Variants in GSE1 observed in about 807,000 individuals in gnomAD.
GSE1 encodes genetic suppressor element 1.
In GSE1, 32 loss-of-function variants were observed where a neutral mutation model predicts 112.6. That is an observed-to-expected ratio of 0.28 (90% CI 0.21 to 0.38). The LOEUF is 0.38. Among genes scored for constraint, GSE1 ranks in the 10% least tolerant of loss-of-function variants. GSE1 has a pLI of 1.00. For missense variants in GSE1, 2,348 were observed against 1,699.2 expected (o/e 1.38, Z -6.71); for synonymous variants, 1,115 against 735.6 (o/e 1.52, Z -8.35).
chr16:85,489,551 G>A (rs956907184), intron 2 of GSE1, among the ~76,000 whole-genome samples: 1 of 149,386 alleles, frequency 6.7e-6, no homozygotes, highest in Non-Finnish European at 1.5e-5. Context: ...ACCCCGCAGC[G>A]CCTGCCCCAC....
At chr16:85,349,684 C>T (rs879872478) in intron 1 of GSE1, among the ~76,000 whole-genome samples, 1 of 152,160 alleles carries the variant, frequency 6.6e-6, no homozygotes, top group Non-Finnish European at 1.5e-5. Context: ...CTTGATTTTT[C>T]CTCGGGGCGA....
intron 1 of GSE1, among the ~76,000 whole-genome samples, chr16:85,624,782 G>A (rs765035876): frequency 1.4e-4 from 22 of 152,200 alleles, no homozygotes; most frequent in Non-Finnish European, 3.1e-4. Flanking sequence ...CTGCCTCCGG[G>A]AAGCAGCCCA....
At chr16:85,422,369 C>T (rs74387765) in intron 2 of GSE1, among the ~76,000 whole-genome samples, 5,152 of 78,564 alleles carry the variant, frequency 0.066, 152 homozygotes, top group African/African-American at 0.12. Context: ...CTGGGCGGGG[C>T]GGGGGGGGGT....
chr16:85,425,359 G>A (rs187236731), intron 2 of GSE1, among the ~76,000 whole-genome samples: 1 of 124,004 alleles, frequency 8.1e-6, no homozygotes, highest in East Asian at 2.4e-4. Flanking sequence ...CCAAGGGAAA[G>A]GGTGGAGTTG....
chr16:85,452,644 CT>C (rs2049718538), intron 2 of GSE1, among the ~76,000 whole-genome samples: 1 of 152,252 alleles, frequency 6.6e-6, no homozygotes, highest in Non-Finnish European at 1.5e-5. Flanking sequence ...CTGTTCCCAC[CT>C]GTGGGAGGCC....
intron 2 of GSE1, among the ~76,000 whole-genome samples, chr16:85,449,845 A>C (rs1019270852): frequency 6.6e-6 from 1 of 152,184 alleles, no homozygotes; most frequent in African/African-American, 2.4e-5. Context: ...TGATGATGAC[A>C]ACAATAATCA....
At chr16:85,430,829 C>T (rs1029842353) in intron 2 of GSE1, among the ~76,000 whole-genome samples, 1 of 152,226 alleles carries the variant, frequency 6.6e-6, no homozygotes, top group Admixed American at 6.5e-5. Context: ...GCAGCAGAAT[C>T]CCCTGAAGGC....
intron 2 of GSE1, among the ~76,000 whole-genome samples, chr16:85,368,364 C>T (rs559023274): frequency 4.5e-4 from 68 of 152,176 alleles, no homozygotes; most frequent in African/African-American, 1.4e-3. Context: ...GCTCTCCTGC[C>T]GCCTGTTTCA....
Position 85,426,162 on chromosome 16 carries a change from G to T in GSE1, c.2464+68519G>T, listed in dbSNP as rs193243752. Among the ~76,000 whole-genome samples, 18 of 150,220 alleles carry T rather than the reference G, an allele frequency of 1.2e-4. No individual in the cohort carries two copies. The East Asian group carries it at 3.6e-3, about 30-fold the overall frequency. ...GTATGGATGGATGAATGGATGGGTG[G>T]GTGGGGTGGATGGATGTATAGTGGA... On this transcript the variant is annotated intron_variant, in intron 2 of 2. Transcript: ENST00000637419.
chr16:85,332,872 A>T (rs1487669857), intron 1 of GSE1, among the ~76,000 whole-genome samples: 1 of 151,734 alleles, frequency 6.6e-6, no homozygotes, highest in African/African-American at 2.4e-5. Flanking sequence ...CTGGCCACCC[A>T]GGGAGGATGC....
intron 1 of GSE1, among the ~76,000 whole-genome samples, chr16:85,589,294 G>A (rs924763388): frequency 6.6e-6 from 1 of 152,198 alleles, no homozygotes; most frequent in Non-Finnish European, 1.5e-5. Flanking sequence ...CTTCTAGGTC[G>A]GGCAGGGCCC....
chr16:85,316,105 A>G (rs1018490868), intron 1 of GSE1, among the ~76,000 whole-genome samples: 4 of 152,248 alleles, frequency 2.6e-5, no homozygotes, highest in Non-Finnish European at 4.4e-5. Flanking sequence ...GGCGAAGTGA[A>G]TTTACCAGAA....
At chr16:85,251,308 A>C (rs951602354) in intron 1 of GSE1, among the ~76,000 whole-genome samples, 10 of 152,230 alleles carry the variant, frequency 6.6e-5, no homozygotes, top group African/African-American at 2.4e-4. Context: ...CCTATGGGGA[A>C]GGACTCATGT....
intron 1 of GSE1, among the ~76,000 whole-genome samples, chr16:85,194,964 C>A (rs1276588503): frequency 2.0e-5 from 3 of 151,968 alleles, no homozygotes; most frequent in Non-Finnish European, 4.4e-5. Flanking sequence ...GGTCGTGAGG[C>A]CAGTAGCTTT....
At chr16:85,317,069 C>T (rs564689874) in intron 1 of GSE1, among the ~76,000 whole-genome samples, 70 of 152,320 alleles carry the variant, frequency 4.6e-4, no homozygotes, top group African/African-American at 1.6e-3. Context: ...AAAGTCTCTG[C>T]TCCATCTTGC....
chr16:85,639,264 G>GTA (rs2050248993), intron 2 of GSE1, among the ~76,000 whole-genome samples: 1 of 152,220 alleles, frequency 6.6e-6, no homozygotes, highest in East Asian at 1.9e-4. Flanking sequence ...TCCTCGGGTG[G>GTA]CACCGGGTCC....
chr16:85,433,830 A>G (rs2049179500), intron 2 of GSE1, among the ~76,000 whole-genome samples: 1 of 151,558 alleles, frequency 6.6e-6, no homozygotes, highest in African/African-American at 2.4e-5. Flanking sequence ...GGATGAATGG[A>G]TGGTGGATAG....
chr16:85,591,237 C>T (rs1024107748), intron 1 of GSE1, among the ~76,000 whole-genome samples: 11 of 152,172 alleles, frequency 7.2e-5, no homozygotes, highest in African/African-American at 2.2e-4. Context: ...GGGCCTCTGT[C>T]GGGCCCTCCT....
chr16:85,597,373 CAAAAAAAAAAAAAAA>C (rs1165062872), intron 1 of GSE1, among the ~76,000 whole-genome samples: 2 of 31,850 alleles, frequency 6.3e-5, no homozygotes, highest in African/African-American at 2.1e-4. Context: ...GACTCTGTCT[CAAAAAAAAAAAAAAA>C]AAAAAAAAAA....
Sources: gnomAD v4.1 joint callset for allele counts (sites outside exome capture counted in the v4.1 genomes callset) on GRCh38, gnomAD v4.1.1 for gene constraint, MANE v1.5 for transcripts, NCBI Gene and HGNC (gene_info 2026-07-23, HGNC 2026-07-21) for gene names.